ZDHHC13: variants seen among roughly 807,000 people sequenced by gnomAD.
ZDHHC13 encodes zDHHC palmitoyltransferase 13, also known as palmitoyltransferase ZDHHC13.
A neutral mutation model predicts 86.0 loss-of-function variants in ZDHHC13; 85 were observed. That is an observed-to-expected ratio of 0.99 (90% CI 0.83 to 1.18). The LOEUF (loss-of-function observed/expected upper bound fraction) is 1.18. Among genes scored for constraint, ZDHHC13 ranks in the 50% most tolerant of loss-of-function variants. ZDHHC13 has a pLI of 0.00. For synonymous variants in ZDHHC13, 263 were observed against 246.4 expected (o/e 1.07, Z -0.63); for missense variants, 711 against 730.2 (o/e 0.97, Z 0.30).
Position 19,149,238 on chromosome 11 carries a change from C to G in ZDHHC13, c.426C>G (p.Pro142=). 1 of 1,605,860 alleles carries G rather than the reference C, an allele frequency of 6.2e-7. No individual in the cohort carries two copies. Among genetic ancestry groups the G allele is most frequent in the South Asian group, 1.1e-5 (1 of 89,544 alleles). ...TATTACTCCAGCATGGTGCAGACCCCACTCTTATTGATGGAGAGGGATTCA... is the reference window on the plus strand; with the variant it reads ...TATTACTCCAGCATGGTGCAGACCCGACTCTTATTGATGGAGAGGGATTCA... The part of the protein sequence containing the change: ...VILLLQHGAD[P]TLIDGEGFSS... The change falls in exon 5 of 17, where the codon CCC becomes CCG. Residue 142 remains proline, a synonymous_variant. Transcript: ENST00000446113.
chr11:19,146,424 A>T, intron 3 of ZDHHC13, 121 bp downstream of exon 3: 1 of 1,188,180 alleles, frequency 8.4e-7, no homozygotes. Context: ...AACACCCGAA[A>T]CTTTTTCTGC....
chr11:19,148,361 A>G (rs368427214), intron 4 of ZDHHC13, among the ~76,000 whole-genome samples: 2 of 152,222 alleles, frequency 1.3e-5, no homozygotes, highest in East Asian at 3.9e-4. Context: ...TTGAAACTCT[A>G]GGGTTACTTC....
intron 1 of ZDHHC13, among the ~76,000 whole-genome samples, chr11:19,139,279 CAGAG>C (rs1008492350): frequency 9.2e-5 from 14 of 152,226 alleles, no homozygotes; most frequent in African/African-American, 2.4e-4. Context: ...AACAGACAAA[CAGAG>C]AGCCAAATTA....
At chr11:19,166,460 A>G in intron 14 of ZDHHC13, 75 bp downstream of exon 14, 1 of 1,207,844 alleles carries the variant, frequency 8.3e-7, no homozygotes, top group African/African-American at 1.5e-5. Context: ...ACCCTTGTAT[A>G]TCACATTCTG....
chr11:19,118,532 TA>T (rs1848695018), intron 1 of ZDHHC13, among the ~76,000 whole-genome samples: 1 of 152,248 alleles, frequency 6.6e-6, no homozygotes, highest in Non-Finnish European at 1.5e-5. Flanking sequence ...TATTATGTCT[TA>T]ATTACTGCCA....
At chr11:19,156,970 G>A (rs1025722957) in intron 9 of ZDHHC13, among the ~76,000 whole-genome samples, 1 of 152,136 alleles carries the variant, frequency 6.6e-6, no homozygotes, top group Non-Finnish European at 1.5e-5. Context: ...CCTCCCCAGC[G>A]ACTTCCTCTC....
intron 13 of ZDHHC13, among the ~76,000 whole-genome samples, chr11:19,165,939 T>C (rs1374532532): frequency 6.6e-6 from 1 of 152,230 alleles, no homozygotes; most frequent in Non-Finnish European, 1.5e-5. Flanking sequence ...TTTACAAACA[T>C]GTTGCATGGA....
At chr11:19,149,960 T>G (rs1292703852) in intron 5 of ZDHHC13, among the ~76,000 whole-genome samples, 2 of 152,224 alleles carry the variant, frequency 1.3e-5, no homozygotes, top group Admixed American at 1.3e-4. Flanking sequence ...ATAAGCACTT[T>G]CTCTCAGACT....
rs953793150 is a variant in ZDHHC13 at position 19,142,901 on chromosome 11, A to T, written c.28-77A>T. The T allele has an allele frequency of 2.1e-6, 3 of 1,399,674 alleles. No homozygotes were observed. The Admixed American group carries it at 7.9e-5, about 37-fold the overall frequency. 86.7% of individuals were successfully genotyped at this position (1,399,674 alleles called of 1,614,324 possible). A position where few individuals can be genotyped will look rare whatever the true frequency, so the allele number is the denominator to read the frequency against. ...ATTTATTAATATAGATATTGTTGAT[A>T]GTAGCAAATGCTTCATTATGTAATT... On this transcript the variant is annotated intron_variant, in intron 1 of 16. Transcript: ENST00000446113.
intron 10 of ZDHHC13, among the ~76,000 whole-genome samples, chr11:19,159,792 C>A (rs1239151988): frequency 6.6e-6 from 1 of 151,922 alleles, no homozygotes; most frequent in Admixed American, 6.6e-5. Context: ...AGTCCTGTCA[C>A]CTAGAAATGG....
chr11:19,123,631 A>G (rs1219905674), intron 1 of ZDHHC13, among the ~76,000 whole-genome samples: 5 of 152,166 alleles, frequency 3.3e-5, no homozygotes, highest in African/African-American at 1.2e-4. Flanking sequence ...TGGGTGACGG[A>G]GTAATACCCC....
intron 2 of ZDHHC13, 75 bp downstream of exon 2, chr11:19,143,198 C>T (rs1849372240): frequency 6.9e-7 from 1 of 1,456,488 alleles, no homozygotes; most frequent in African/African-American, 1.4e-5. Context: ...GTTCATGGAG[C>T]TTCATATGTT....
At position 19,155,581 on chromosome 11, in the gene ZDHHC13, C is replaced by CAA. The variant is rs370534138; in HGVS notation, c.874-195_874-194dup. 4.8e-3 allele frequency among the ~76,000 whole-genome samples: 224 copies of CAA among 46,316 alleles called. 5 individuals are homozygous for CAA. In the East Asian group the frequency reaches 0.082, roughly 17 times the overall value. 30.4% of individuals were successfully genotyped at this position (46,316 alleles called of 152,430 possible). On this transcript the variant is annotated intron_variant, in intron 8 of 16. Coordinates refer to ENST00000446113, the MANE Select transcript of ZDHHC13 (RefSeq NM_019028.3). ...GGGCAACAAGAATGAAACTTCATCT[C>CAA]AAAAAAAAAAAAAAAAAAAAAGATT...
intron 1 of ZDHHC13, among the ~76,000 whole-genome samples, chr11:19,141,297 A>G (rs962578091): frequency 2.0e-5 from 3 of 152,298 alleles, no homozygotes; most frequent in Non-Finnish European, 4.4e-5. Flanking sequence ...GAGTCTTTTT[A>G]AAATGTATTT....
In ZDHHC13 at chr11:19,163,382, A is replaced by T; in HGVS notation, c.1188A>T (p.Ala396=). 2 of 1,608,436 alleles carry T rather than the reference A, an allele frequency of 1.2e-6. No individual in the cohort carries two copies. The highest frequency in any genetic ancestry group is 1.7e-6 in the Non-Finnish European group (2 of 1,177,496). Residue 396 remains alanine (A), a synonymous_variant, in exon 11 of 17, where the codon GCA becomes GCT. Coordinates refer to ENST00000446113, the MANE Select transcript of ZDHHC13 (RefSeq NM_019028.3). ...AFLYFFYKTW[A]TDPGFTKASE... is the part of the protein sequence containing the mutation. ...TATACTTTTTCTATAAGACTTGGGC[A>T]ACTGATCCAGGCTTCACTAAGGCTT...
chr11:19,155,662 G>C, intron 8 of ZDHHC13, 134 bp from the exon 9 acceptor site: 2 of 904,784 alleles, frequency 2.2e-6, no homozygotes, highest in African/African-American at 1.8e-5. Context: ...CAATTTTAGA[G>C]GAAAACTTTG....
intron 1 of ZDHHC13, chr11:19,118,610 T>C (rs1171261485): frequency 1.3e-5 from 2 of 152,266 alleles, no homozygotes; most frequent in Non-Finnish European, 2.9e-5. Flanking sequence ...ATTAGCCTTG[T>C]CCCAGTTCCA....
chr11:19,155,098 G>T (rs1051212917), intron 8 of ZDHHC13, among the ~76,000 whole-genome samples: 2 of 152,102 alleles, frequency 1.3e-5, no homozygotes, highest in Non-Finnish European at 2.9e-5. Flanking sequence ...GCAGTGCCCA[G>T]GTTGGAGCTC....
chr11:19,166,655 C>A, intron 14 of ZDHHC13: 1 of 233,946 alleles, frequency 4.3e-6, no homozygotes, highest in Non-Finnish European at 8.2e-6. Context: ...AGATTTGCTC[C>A]CCAGTGAAGA....
Sources: gnomAD v4.1 joint callset for allele counts (sites outside exome capture counted in the v4.1 genomes callset) on GRCh38, gnomAD v4.1.1 for gene constraint, MANE v1.5 for transcripts, NCBI Gene and HGNC (gene_info 2026-07-23, HGNC 2026-07-21) for gene names.